HECW1: variants seen among roughly 807,000 people sequenced by gnomAD.
The protein encoded by HECW1 is E3 ubiquitin-protein ligase HECW1.
A neutral mutation model predicts 182.3 loss-of-function variants in HECW1; 61 were observed. The observed-to-expected ratio is 0.33, with a 90% CI of 0.27 to 0.41. The LOEUF (loss-of-function observed/expected upper bound fraction) is 0.41. Among genes scored for constraint, HECW1 ranks in the 10% least tolerant of loss-of-function variants. HECW1 has a pLI of 1.00. For missense variants in HECW1, 1,739 were observed against 2,108.9 expected (o/e 0.82, Z 3.44); for synonymous variants, 859 against 832.6 (o/e 1.03, Z -0.55).
intron 26 of HECW1, among the ~76,000 whole-genome samples, chr7:43,543,243 C>A (rs1041221239): frequency 1.3e-5 from 2 of 152,124 alleles, no homozygotes; most frequent in Non-Finnish European, 2.9e-5. Flanking sequence ...AATCAGAATG[C>A]TTTAGAGGTG....
chr7:43,297,431 G>A (rs1038196159), intron 3 of HECW1, among the ~76,000 whole-genome samples: 4 of 152,170 alleles, frequency 2.6e-5, no homozygotes, highest in African/African-American at 9.7e-5. Context: ...AATGTCTTCT[G>A]TGGACATTGA....
intron 24 of HECW1, chr7:43,522,941 G>A: frequency 2.9e-6 from 1 of 350,788 alleles, no homozygotes; most frequent in Non-Finnish European, 5.8e-6. Context: ...GGATGTTATT[G>A]CTGGCACTTC....
chr7:43,517,569 T>A (rs1315630576), intron 24 of HECW1, among the ~76,000 whole-genome samples: 1 of 152,166 alleles, frequency 6.6e-6, no homozygotes, highest in African/African-American at 2.4e-5. Flanking sequence ...CCTTGCTACA[T>A]CTGCAGAGTC....
At chr7:43,363,408 A>T (rs1204032315) in intron 6 of HECW1, among the ~76,000 whole-genome samples, 1 of 151,914 alleles carries the variant, frequency 6.6e-6, no homozygotes, top group Non-Finnish European at 1.5e-5. Context: ...CATACTTCAA[A>T]CTCTGGCATC....
chr7:43,236,701 A>T (rs1164144502), intron 2 of HECW1, among the ~76,000 whole-genome samples: 1 of 152,202 alleles, frequency 6.6e-6, no homozygotes, highest in Non-Finnish European at 1.5e-5. Context: ...GAAGCAATCA[A>T]ATATGCATTT....
At chr7:43,390,866 T>G (rs1345387743) in intron 6 of HECW1, among the ~76,000 whole-genome samples, 1 of 152,134 alleles carries the variant, frequency 6.6e-6, no homozygotes, top group Non-Finnish European at 1.5e-5. Context: ...ATGGCTGGAA[T>G]GTAACAAAGA....
Position 43,444,759 on chromosome 7 carries a change from G to A in HECW1, c.1587G>A (p.Lys529=), listed in dbSNP as rs752935803. 12 of 1,613,936 alleles carry A rather than the reference G, an allele frequency of 7.4e-6. No homozygotes were observed. The highest frequency in any genetic ancestry group is 1.0e-5 in the Non-Finnish European group (12 of 1,179,998). Reference sequence around the variant, plus strand: ...GGCTGCAGCTGCGGGCCTCGGTGAAGAGAAAAAGCAGGCCCTGCTCCTTGC... The same window carrying A: ...GGCTGCAGCTGCGGGCCTCGGTGAAAAGAAAAAGCAGGCCCTGCTCCTTGC... ...EGRLQLRASV[K]RKSRPCSLPV... Residue 529 remains lysine (K), a synonymous_variant, in exon 11 of 30, where the codon AAG becomes AAA. Transcript: ENST00000395891. The surrounding 1 kb of genome is among the most constrained non-coding windows in gnomAD (Gnocchi z 4.3).
intron 6 of HECW1, among the ~76,000 whole-genome samples, chr7:43,394,222 C>T (rs768872761): frequency 2.6e-5 from 4 of 152,018 alleles, no homozygotes; most frequent in Non-Finnish European, 5.9e-5. Flanking sequence ...GAGGACTGGC[C>T]ACCTTCAGAG....
At chr7:43,379,900 G>A (rs905542497) in intron 6 of HECW1, among the ~76,000 whole-genome samples, 1 of 152,126 alleles carries the variant, frequency 6.6e-6, no homozygotes, top group African/African-American at 2.4e-5. Context: ...AGCCTCCAGG[G>A]GCAGAGATGT....
chr7:43,444,835 A>C lies in HECW1; in HGVS notation c.1663A>C (p.Thr555Pro), dbSNP rs1230164619. ...VIASACGDPE[T>P]PRTHYIRIHT... ...CGCGTCAGCCTGCGGGGACCCCGAG[A>C]CCCCGCGGACACACTACATCCGCAT... The change falls in exon 11 of 30, where the codon ACC (threonine) becomes CCC (proline). Residue 555 changes from threonine (T) to proline (P), a missense_variant. By Grantham distance (38) the Thr-to-Pro change is conservative. This residue lies in a region of HECW1 where 971 missense variants were observed against 1,029.1 expected (regional missense o/e 0.94). Transcript: ENST00000395891. This position sits in a 1 kb window ranked among gnomAD's most constrained non-coding sequence, Gnocchi z 4.3. 6.2e-7 allele frequency: 1 copy of C among 1,613,668 alleles called. No homozygotes were observed. Among genetic ancestry groups the C allele is most frequent in the Non-Finnish European group, 8.5e-7 (1 of 1,179,958 alleles).
intron 6 of HECW1, among the ~76,000 whole-genome samples, chr7:43,374,550 G>A (rs1362565751): frequency 1.9e-5 from 1 of 51,808 alleles, no homozygotes; most frequent in African/African-American, 2.0e-4. Flanking sequence ...CGAGGCGGGC[G>A]GATCACGAGG....
intron 2 of HECW1, among the ~76,000 whole-genome samples, chr7:43,161,266 T>A (rs1320369494): frequency 2.0e-5 from 3 of 152,334 alleles, no homozygotes; most frequent in Admixed American, 2.0e-4. Flanking sequence ...TTAATGCTAT[T>A]GGTACAATTA....
At chr7:43,228,157 C>T (rs924213781) in intron 2 of HECW1, among the ~76,000 whole-genome samples, 3 of 152,126 alleles carry the variant, frequency 2.0e-5, no homozygotes, top group Admixed American at 6.6e-5. Flanking sequence ...AAGCAAATAA[C>T]GCCCAGGGAA....
chr7:43,132,116 T>C (rs1354311545), intron 2 of HECW1, among the ~76,000 whole-genome samples: 1 of 152,262 alleles, frequency 6.6e-6, no homozygotes, highest in African/African-American at 2.4e-5. Flanking sequence ...TCTCATTTTC[T>C]GCAAATTCTC....
At chr7:43,124,466 G>A (rs1785988900) in intron 2 of HECW1, among the ~76,000 whole-genome samples, 2 of 152,328 alleles carry the variant, frequency 1.3e-5, no homozygotes, top group South Asian at 2.1e-4. Context: ...AGGAACCTAA[G>A]CCATGGTCCC....
intron 12 of HECW1, 63 bp from the exon 13 acceptor site, chr7:43,456,234 G>A (rs901744566): frequency 2.0e-6 from 3 of 1,508,424 alleles, no homozygotes; most frequent in Admixed American, 1.8e-5. Flanking sequence ...GAAGTTGTAT[G>A]TGTTTCACGT....
chr7:43,163,044 A>C (rs1790720968), intron 2 of HECW1: 1 of 152,264 alleles, frequency 6.6e-6, no homozygotes, highest in African/African-American at 2.4e-5. Flanking sequence ...AAACTCATTA[A>C]CTGAAACAAC....
intron 2 of HECW1, among the ~76,000 whole-genome samples, chr7:43,159,655 A>C (rs1160051730): frequency 6.6e-6 from 1 of 151,818 alleles, no homozygotes; most frequent in Non-Finnish European, 1.5e-5. Context: ...AAATATATGA[A>C]AGCATTTCCT....
At chr7:43,181,205 T>A (rs568401223) in intron 2 of HECW1, among the ~76,000 whole-genome samples, 1 of 151,062 alleles carries the variant, frequency 6.6e-6, no homozygotes, top group South Asian at 2.1e-4. Context: ...CTGAATAGTA[T>A]TTCATTGTGT....
Sources: allele counts gnomAD v4.1 joint callset (sites outside exome capture counted in the v4.1 genomes callset), GRCh38; gene constraint gnomAD v4.1.1; regional missense constraint gnomAD v4.1.1; non-coding constraint Gnocchi (gnomAD v3.1); transcripts MANE v1.5; gene names NCBI Gene and HGNC (gene_info 2026-07-23, HGNC 2026-07-21).